WDR20: variants seen among roughly 807,000 people sequenced by gnomAD.
WDR20 encodes WD repeat-containing protein 20.
A neutral mutation model predicts 38.7 loss-of-function variants in WDR20; 3 were observed. That is an observed-to-expected ratio of 0.08 (90% CI 0.04 to 0.20). The LOEUF (loss-of-function observed/expected upper bound fraction) is 0.20. WDR20 is among the 10% of genes least tolerant of loss of function. WDR20 has a pLI of 1.00. For missense variants in WDR20, 559 were observed against 727.7 expected, an observed-to-expected ratio of 0.77 and a Z score of 2.67; for synonymous variants, 298 against 285.6, an observed-to-expected ratio of 1.04 and a Z score of -0.44.
At chr14:102,187,416 G>C (rs531359564) in intron 1 of WDR20, among the ~76,000 whole-genome samples, 1 of 152,152 alleles carries the variant, frequency 6.6e-6, no homozygotes, top group African/African-American at 2.4e-5. Flanking sequence ...GGCTGGGGGG[G>C]GGCTCAGGAG....
At chr14:102,216,543 T>G (rs1424508426), downstream of WDR20, among the ~76,000 whole-genome samples, 1 of 152,238 alleles carries the variant, frequency 6.6e-6, no homozygotes, top group African/African-American at 2.4e-5. Flanking sequence ...CCCTAAAGAC[T>G]ATTAAGTTGA....
intron 1 of WDR20, among the ~76,000 whole-genome samples, chr14:102,158,287 A>G (rs1595988935): frequency 6.6e-6 from 1 of 150,430 alleles, no homozygotes; most frequent in East Asian, 2.0e-4. Context: ...CACTGACCCC[A>G]CCCTTCTAGA....
downstream of WDR20, among the ~76,000 whole-genome samples, chr14:102,219,445 C>T (rs556406780): frequency 9.8e-5 from 15 of 152,370 alleles, no homozygotes; most frequent in African/African-American, 2.9e-4. Context: ...CTGATGCCAA[C>T]GCAGGGCCAC....
In WDR20 at chr14:102,208,171, T is replaced by C. The variant is rs1220818031; in HGVS notation, c.433-432T>C. On this transcript the variant is annotated intron_variant, in intron 2 of 2. Coordinates refer to ENST00000342702, the MANE Select transcript of WDR20 (RefSeq NM_144574.4). This position sits in a 1 kb window ranked among gnomAD's most constrained non-coding sequence, Gnocchi z 5.6. ...AACCCGTGAGGGTGAGGCAGAGCCC[T>C]CCTGGCTGTGAGGACTCACAGGCTT... Among the ~76,000 whole-genome samples, 1 of 152,222 alleles carries C rather than the reference T, an allele frequency of 6.6e-6. No individual in the cohort carries two copies. Among genetic ancestry groups the C allele is most frequent in the East Asian group, 1.9e-4 (1 of 5,198 alleles).
At position 102,207,974 on chromosome 14, in the gene WDR20, G is replaced by T. The variant is rs1414202501; in HGVS notation, c.433-629G>T. On this transcript the variant is annotated intron_variant, in intron 2 of 2. Coordinates refer to ENST00000342702, the MANE Select transcript of WDR20 (RefSeq NM_144574.4). The surrounding 1 kb of genome is among the most constrained non-coding windows in gnomAD (Gnocchi z 5.0). ...GTTTCGAGGAGATGCTTATGGAGAT[G>T]CACGTGGGGCGGTGCATGGGAGTGA... Among the ~76,000 whole-genome samples the T allele has an allele frequency of 7.2e-5, 11 of 152,192 alleles. No homozygotes were observed.
chr14:102,211,274 CG>C (rs2062491541), downstream of WDR20, among the ~76,000 whole-genome samples: 1 of 152,172 alleles, frequency 6.6e-6, no homozygotes, highest in Non-Finnish European at 1.5e-5. The surrounding 1 kb of genome is among the most constrained non-coding windows in gnomAD (Gnocchi z 4.2). Context: ...GACCAGTTTG[CG>C]TAGTGAATAT....
At chr14:102,185,814 CAA>C (rs11317533) in intron 1 of WDR20, among the ~76,000 whole-genome samples, 6,238 of 112,450 alleles carry the variant, frequency 0.055, 146 homozygotes, top group Non-Finnish European at 0.082. Context: ...GACTCCATCT[CAA>C]AAAAAAAAAA....
rs1016130805 is a variant in WDR20, at chr14:102,220,057, C to A, written c.1693-2773C>A. Among the ~76,000 whole-genome samples the A allele has an allele frequency of 6.6e-6, 1 of 152,226 alleles. No homozygotes were observed. The highest frequency in any genetic ancestry group is 1.5e-5 in the Non-Finnish European group (1 of 68,038). ...GAGAATAGGAAGCCTGCAGCCCTCG[C>A]GTTGGGTCGCTTTCTAGGGGTGCGG... is the stretch of plus-strand genomic sequence containing the variant. On this transcript the variant is annotated intron_variant, in intron 3 of 3. Coordinates refer to the WDR20 transcript ENST00000335263. This position sits in a 1 kb window ranked among gnomAD's most constrained non-coding sequence, Gnocchi z 4.2.
intron 1 of WDR20, among the ~76,000 whole-genome samples, chr14:102,158,098 C>T (rs746118817): frequency 6.6e-5 from 10 of 152,172 alleles, no homozygotes; most frequent in Non-Finnish European, 1.0e-4. Flanking sequence ...ATCATTATAA[C>T]GCCCCTCGTA....
chr14:102,166,652 C>G (rs2059843837), intron 1 of WDR20, among the ~76,000 whole-genome samples: 1 of 152,052 alleles, frequency 6.6e-6, no homozygotes, highest in African/African-American at 2.4e-5. Context: ...TGTTGGTATA[C>G]TATACTCTTC....
At chr14:102,206,073 G>A (rs1000563414) in intron 2 of WDR20, among the ~76,000 whole-genome samples, 3 of 152,066 alleles carry the variant, frequency 2.0e-5, no homozygotes, top group Admixed American at 6.6e-5. Context: ...CACAGCCACC[G>A]CCTCCTGGGT....
At chr14:102,216,302 T>G (rs925421189), downstream of WDR20, among the ~76,000 whole-genome samples, 20 of 152,214 alleles carry the variant, frequency 1.3e-4, no homozygotes, top group Non-Finnish European at 1.5e-5. Context: ...TTCTTAGCAC[T>G]GAACAGGGCG....
At chr14:102,154,711 C>T (rs1278801190) in intron 1 of WDR20, among the ~76,000 whole-genome samples, 11 of 152,116 alleles carry the variant, frequency 7.2e-5, no homozygotes, top group Admixed American at 7.2e-4. Context: ...ATGTTGCAGG[C>T]ACTGAAATAT....
downstream of WDR20, chr14:102,214,082 T>G: frequency 1.0e-6 from 1 of 985,568 alleles, no homozygotes; most frequent in Non-Finnish European, 1.2e-6. Context: ...GGTTGCACCA[T>G]GGCGGCGGTC....
chr14:102,206,043 C>T (rs1275551470), intron 2 of WDR20, among the ~76,000 whole-genome samples: 1 of 152,144 alleles, frequency 6.6e-6, no homozygotes, highest in Non-Finnish European at 1.5e-5. Context: ...AATGCAATGA[C>T]GTGATCTTGG....
At chr14:102,193,227 G>A (rs901586393) in intron 1 of WDR20, among the ~76,000 whole-genome samples, 6 of 150,896 alleles carry the variant, frequency 4.0e-5, no homozygotes, top group East Asian at 1.9e-4. Context: ...CATCCGAGCC[G>A]CTCAGAAGCT....
rs1442564776 is a variant in WDR20, at chr14:102,140,192, C to T, written c.249+20C>T. 1.9e-6 allele frequency: 3 copies of T among 1,607,616 alleles called. No individual in the cohort carries two copies. Among genetic ancestry groups the T allele is most frequent in the Admixed American group, 1.7e-5 (1 of 59,954 alleles). On this transcript the variant is annotated intron_variant, in intron 1 of 2. Coordinates refer to ENST00000342702, the MANE Select transcript of WDR20 (RefSeq NM_144574.4). ...CGCAAGGTACCGACCCGGGCGTCAC[C>T]GGAGCCAGCCAGCGGCGTAGGCAGA...
At chr14:102,217,298 G>C (rs536433099), downstream of WDR20, among the ~76,000 whole-genome samples, 18 of 152,350 alleles carry the variant, frequency 1.2e-4, no homozygotes, top group Admixed American at 8.5e-4. Flanking sequence ...AAGGCCCACT[G>C]ACTTGCACAC....
At chr14:102,182,668 T>G (rs574943993) in intron 1 of WDR20, among the ~76,000 whole-genome samples, 1 of 151,960 alleles carries the variant, frequency 6.6e-6, no homozygotes, top group Non-Finnish European at 1.5e-5. Flanking sequence ...TGAAATAGTT[T>G]TAGTAGTTTT....
Sources: gnomAD v4.1 joint callset for allele counts (sites outside exome capture counted in the v4.1 genomes callset) on GRCh38, gnomAD v4.1.1 for gene constraint, Gnocchi (gnomAD v3.1) non-coding constraint, MANE v1.5 for transcripts, NCBI Gene and HGNC (gene_info 2026-07-23, HGNC 2026-07-21) for gene names.